STX8: variants seen among roughly 807,000 people sequenced by gnomAD.
STX8 encodes syntaxin 8.
STX8 carries 23 observed loss-of-function variants against 37.5 expected under a neutral mutation model. The ratio of observed to expected loss-of-function variants is 0.61; its 90% CI spans 0.44 to 0.87. The LOEUF (loss-of-function observed/expected upper bound fraction) is 0.87. Among genes scored for constraint, STX8 ranks in the 40% least tolerant of loss-of-function variants. STX8 has a pLI of 0.00. For missense variants in STX8, 313 were observed against 284.7 expected, an observed-to-expected ratio of 1.10 and a Z score of -0.71; for synonymous variants, 115 against 99.1, an observed-to-expected ratio of 1.16 and a Z score of -0.95.
chr17:9,483,231 A>AGCTTTTAGAGCTTCATTCCT (rs1464875511), intron 6 of STX8, among the ~76,000 whole-genome samples: 1 of 151,012 alleles, frequency 6.6e-6, no homozygotes, highest in East Asian at 2.0e-4. Context: ...GCTTTATTCC[A>AGCTTTTAGAGCTTCATTCCT]GCTTTTAGAG....
chr17:9,546,435 G>A (rs1013094429), intron 3 of STX8, among the ~76,000 whole-genome samples: 1 of 149,894 alleles, frequency 6.7e-6, no homozygotes, highest in African/African-American at 2.4e-5. Flanking sequence ...GTAGTCTTTG[G>A]AAAGAAACCT....
chr17:9,516,680 T>G (rs1567593922), intron 4 of STX8, among the ~76,000 whole-genome samples: 1 of 152,170 alleles, frequency 6.6e-6, no homozygotes, highest in Non-Finnish European at 1.5e-5. Context: ...TTTGGGGTGG[T>G]GCCTATTATT....
At chr17:9,473,682 C>A (rs982264092) in intron 6 of STX8, among the ~76,000 whole-genome samples, 1 of 152,096 alleles carries the variant, frequency 6.6e-6, no homozygotes, top group African/African-American at 2.4e-5. Context: ...AAATTTGATT[C>A]TCAGTTGGTT....
chr17:9,400,852 A>C (rs1912589771), intron 6 of STX8, among the ~76,000 whole-genome samples: 2 of 152,010 alleles, frequency 1.3e-5, no homozygotes, highest in Non-Finnish European at 2.9e-5. Flanking sequence ...TCAGAATACA[A>C]CCTCCAACTG....
intron 4 of STX8, among the ~76,000 whole-genome samples, chr17:9,529,037 G>A (rs1905693928): frequency 6.6e-6 from 1 of 152,194 alleles, no homozygotes; most frequent in Non-Finnish European, 1.5e-5. Context: ...GACATGGAGG[G>A]AAGAGGGAAA....
At chr17:9,374,390 T>A (rs9903002) in intron 7 of STX8, among the ~76,000 whole-genome samples, 2,583 of 152,164 alleles carry the variant, frequency 0.017, 72 homozygotes, top group African/African-American at 0.058. Flanking sequence ...CCAAAAGAAA[T>A]TTTTTTAAAC....
At chr17:9,397,541 C>T (rs893997429) in intron 6 of STX8, among the ~76,000 whole-genome samples, 2 of 152,194 alleles carry the variant, frequency 1.3e-5, no homozygotes, top group African/African-American at 4.8e-5. Flanking sequence ...TGAGAACAAA[C>T]CCACATTGTA....
intron 7 of STX8, among the ~76,000 whole-genome samples, chr17:9,367,152 T>C (rs982785297): frequency 2.6e-5 from 4 of 151,300 alleles, no homozygotes; most frequent in East Asian, 3.9e-4. Flanking sequence ...TAATGGACAA[T>C]GTGGGTTTTT....
intron 6 of STX8, among the ~76,000 whole-genome samples, chr17:9,431,547 G>A (rs1011451028): frequency 3.9e-5 from 6 of 152,046 alleles, no homozygotes; most frequent in African/African-American, 1.2e-4. Flanking sequence ...CACCTGCCTC[G>A]GCCTCTGAAA....
At chr17:9,427,997 T>C (rs1913701209) in intron 6 of STX8, among the ~76,000 whole-genome samples, 1 of 152,138 alleles carries the variant, frequency 6.6e-6, no homozygotes, top group South Asian at 2.1e-4. Context: ...GCTTTTCAGT[T>C]GAGCTGACTC....
intron 6 of STX8, among the ~76,000 whole-genome samples, chr17:9,424,231 C>G (rs117235239): frequency 6.6e-6 from 1 of 152,048 alleles, no homozygotes; most frequent in African/African-American, 2.4e-5. Context: ...GCAGGGTGGC[C>G]GGGCAGCCAG....
At chr17:9,503,768 T>A (rs900714001) in intron 5 of STX8, among the ~76,000 whole-genome samples, 1 of 152,086 alleles carries the variant, frequency 6.6e-6, no homozygotes, top group Admixed American at 6.6e-5. Context: ...TGGTTTTTTC[T>A]TTTTTTTCCT....
intron 6 of STX8, among the ~76,000 whole-genome samples, chr17:9,414,324 T>A (rs1913101792): frequency 6.6e-6 from 1 of 151,730 alleles, no homozygotes. Context: ...GCAGAACTTT[T>A]TTTTTTTCAT....
At chr17:9,397,999 AAGAAAG>A (rs1912466437) in intron 6 of STX8, among the ~76,000 whole-genome samples, 1 of 147,182 alleles carries the variant, frequency 6.8e-6, no homozygotes, top group Non-Finnish European at 1.5e-5. Flanking sequence ...AAAAAAAAAA[AAGAAAG>A]AAAGAACAAA....
At chr17:9,431,445 GTTGTT>G (rs1913976161) in intron 6 of STX8, among the ~76,000 whole-genome samples, 6 of 141,606 alleles carry the variant, frequency 4.2e-5, no homozygotes, top group African/African-American at 1.4e-4. Context: ...TGTTGTTGTT[GTTGTT>G]TTGTTTTTTT....
At chr17:9,297,471 TACATGAAAGAGAGAAAG>T (rs1331573683) in intron 7 of STX8, among the ~76,000 whole-genome samples, 2 of 152,176 alleles carry the variant, frequency 1.3e-5, no homozygotes, top group African/African-American at 4.8e-5. Context: ...CCTTGGTTGG[TACATGAAAGAGAGAAAG>T]ACATCTTTTA....
chr17:9,538,730 C>T (rs1906159145), intron 4 of STX8, among the ~76,000 whole-genome samples: 1 of 152,190 alleles, frequency 6.6e-6, no homozygotes, highest in Admixed American at 6.5e-5. Context: ...TAAACAACTT[C>T]CTATTCCCTA....
intron 7 of STX8, among the ~76,000 whole-genome samples, chr17:9,347,149 A>T (rs905411638): frequency 2.6e-5 from 4 of 151,462 alleles, no homozygotes; most frequent in Admixed American, 6.6e-5. Flanking sequence ...AAAAAATAAA[A>T]AAAAAAAAAG....
intron 7 of STX8, among the ~76,000 whole-genome samples, chr17:9,316,874 C>A (rs1021046681): frequency 6.6e-6 from 1 of 152,160 alleles, no homozygotes; most frequent in African/African-American, 2.4e-5. Context: ...GTGTCCATTG[C>A]ATTAAATTAC....
Sources: gnomAD v4.1 joint callset for allele counts (sites outside exome capture counted in the v4.1 genomes callset) on GRCh38, gnomAD v4.1.1 for gene constraint, MANE v1.5 for transcripts, NCBI Gene and HGNC (gene_info 2026-07-23, HGNC 2026-07-21) for gene names.